Variants in VPS50 observed in about 807,000 individuals in gnomAD.
VPS50 encodes the protein syndetin.
Under a neutral mutation model 139.7 loss-of-function variants are expected in VPS50, and 70 were observed. The observed-to-expected ratio is 0.50, with a 90% confidence interval of 0.41 to 0.61. VPS50 has a LOEUF of 0.61. Ranked by LOEUF, VPS50 falls within the 20% of genes least tolerant of loss-of-function variation. The pLI is 0.00. For synonymous variants in VPS50, 365 were observed against 376.7 expected (o/e 0.97, Z 0.36); for missense variants, 921 against 1,133.7 (o/e 0.81, Z 2.69).
rs1798811185 is a variant in VPS50 at position 93,360,666 on chromosome 7, T to C, written c.*2230T>C. On this transcript the variant is annotated 3_prime_UTR_variant, in exon 28 of 28. Transcript: ENST00000305866. The stretch of plus-strand genomic sequence containing the variant: ...AAAAACTATCATTACCAAAAATTTA[T>C]TATTTTTGAGTCTAAACTTTCCTTA... 6.6e-6 allele frequency: 1 copy of C among 152,078 alleles called. No homozygotes were observed. Among genetic ancestry groups the C allele is most frequent in the Non-Finnish European group, 1.5e-5 (1 of 67,988 alleles). The allele number at this position is 152,078 out of a possible 1,614,324, so 9.4% of individuals were successfully genotyped here. A position where few individuals can be genotyped will look rare whatever the true frequency, so the allele number is the denominator to read the frequency against.
chr7:93,294,727 G>A, intron 14 of VPS50, 91 bp downstream of exon 14: 1 of 940,598 alleles, frequency 1.1e-6, no homozygotes, highest in South Asian at 1.9e-5. Flanking sequence ...TTCTATATAT[G>A]TATTCTTTGC....
intron 23 of VPS50, among the ~76,000 whole-genome samples, chr7:93,344,343 G>A (rs1798321994): frequency 6.6e-6 from 1 of 152,158 alleles, no homozygotes; most frequent in Non-Finnish European, 1.5e-5. Flanking sequence ...AGTCCTGAGT[G>A]ACCTACAAAG....
At chr7:93,304,437 A>C (rs1797062255) in intron 17 of VPS50, among the ~76,000 whole-genome samples, 1 of 151,768 alleles carries the variant, frequency 6.6e-6, no homozygotes. Context: ...AAAACCCTGG[A>C]ACATAGCAAT....
At chr7:93,286,378 C>T (rs1471367985) in intron 12 of VPS50, among the ~76,000 whole-genome samples, 1 of 152,088 alleles carries the variant, frequency 6.6e-6, no homozygotes, top group African/African-American at 2.4e-5. Flanking sequence ...ATGAGTCTCC[C>T]CTTCACCTGA....
intron 1 of VPS50, among the ~76,000 whole-genome samples, chr7:93,238,137 T>A (rs911137543): frequency 6.6e-6 from 1 of 152,174 alleles, no homozygotes; most frequent in Admixed American, 6.5e-5. Flanking sequence ...TATATAGAAG[T>A]GTAGTTTGGT....
chr7:93,246,104 A>G (rs1277548438), intron 2 of VPS50: 1 of 1,514,988 alleles, frequency 6.6e-7, no homozygotes, highest in South Asian at 1.2e-5. Context: ...GCTTTCAGTT[A>G]GAGCCCTAAC....
In VPS50 at chr7:93,323,608, C is replaced by T; in HGVS notation, c.1856-3C>T. ...TTAATTTTTTATTCTTTTTTCTTTT[C>T]AGGAAAATATATGCAGATGATGAAC... On this transcript the variant is annotated splice_region_variant and splice_polypyrimidine_tract_variant and intron_variant, in intron 20 of 27. Transcript: ENST00000305866. The T allele has an allele frequency of 8.2e-7, 1 of 1,226,548 alleles. No homozygotes were observed. The highest frequency in any genetic ancestry group is 1.1e-6 in the Non-Finnish European group (1 of 919,902). The allele number at this position is 1,226,548 out of a possible 1,614,324, so 76.0% of individuals were successfully genotyped here. A position where few individuals can be genotyped will look rare whatever the true frequency, so the allele number is the denominator to read the frequency against.
At chr7:93,332,530 TACAGCTACTTTAGA>T (rs1241352339) in intron 21 of VPS50, among the ~76,000 whole-genome samples, 2 of 152,196 alleles carry the variant, frequency 1.3e-5, no homozygotes. Context: ...ATGAAAACAG[TACAGCTACTTTAGA>T]AAACAACGTG....
intron 20 of VPS50, among the ~76,000 whole-genome samples, chr7:93,322,211 T>G (rs1360175059): frequency 6.6e-6 from 1 of 152,188 alleles, no homozygotes; most frequent in Non-Finnish European, 1.5e-5. Context: ...ACGTACTGAG[T>G]TCTTAAATGG....
intron 22 of VPS50, among the ~76,000 whole-genome samples, chr7:93,336,570 G>A (rs1798074884): frequency 6.6e-6 from 1 of 152,170 alleles, no homozygotes; most frequent in African/African-American, 2.4e-5. Flanking sequence ...CTGGAGTGCA[G>A]TGGTAAGATC....
intron 10 of VPS50, among the ~76,000 whole-genome samples, chr7:93,272,212 A>C (rs2116883677): frequency 6.6e-6 from 1 of 151,966 alleles, no homozygotes; most frequent in Admixed American, 6.6e-5. Flanking sequence ...TTTTAAATTC[A>C]ATGTAGTTTT....
intron 9 of VPS50, among the ~76,000 whole-genome samples, chr7:93,269,946 T>A (rs964278197): frequency 1.3e-5 from 2 of 152,098 alleles, no homozygotes; most frequent in Non-Finnish European, 1.5e-5. Context: ...ATAGCAATTT[T>A]AAAAACCTTT....
chr7:93,252,237 A>G (rs749713070), intron 2 of VPS50, among the ~76,000 whole-genome samples: 1 of 152,104 alleles, frequency 6.6e-6, no homozygotes, highest in African/African-American at 2.4e-5. Flanking sequence ...TCCAAAGTTG[A>G]TTGTGACCCA....
chr7:93,350,266 T>C (rs905523210), intron 25 of VPS50, among the ~76,000 whole-genome samples: 1 of 152,232 alleles, frequency 6.6e-6, no homozygotes, highest in Non-Finnish European at 1.5e-5. Context: ...TGAGTTGTTG[T>C]ATGTCGTGGC....
chr7:93,246,960 G>GA (rs959125167), intron 2 of VPS50, among the ~76,000 whole-genome samples: 7 of 151,872 alleles, frequency 4.6e-5, no homozygotes, highest in African/African-American at 1.7e-4. Context: ...GTATTGAGAG[G>GA]AAAAGTAGCT....
rs534376359 is a variant in VPS50 at position 93,350,868 on chromosome 7, A to G, written c.2463+835A>G. On this transcript the variant is annotated intron_variant, in intron 25 of 27. Transcript: ENST00000305866. ...ATCTGAGAAAATGAAAGTAACTTTC[A>G]GGAAAAATGTGTTTTCATTTTTGTA... 2.0e-5 allele frequency among the ~76,000 whole-genome samples: 3 copies of G among 152,320 alleles called. No homozygotes were observed. In the South Asian group the frequency reaches 6.2e-4, roughly 32 times the overall value.
intron 21 of VPS50, among the ~76,000 whole-genome samples, chr7:93,326,339 C>T (rs1463128009): frequency 6.8e-6 from 1 of 146,180 alleles, no homozygotes; most frequent in Non-Finnish European, 1.5e-5. Context: ...GGAGATATAC[C>T]TAATGCTAAA....
At chr7:93,335,185 G>A (rs1036987933) in intron 22 of VPS50, among the ~76,000 whole-genome samples, 1 of 152,178 alleles carries the variant, frequency 6.6e-6, no homozygotes, top group African/African-American at 2.4e-5. Flanking sequence ...AAACAAATGT[G>A]TAACATAGTG....
At position 93,258,236 on chromosome 7, in the gene VPS50, TG is replaced by T; in HGVS notation, c.501del (p.Ile168LeufsTer4). 1 of 1,599,512 alleles carries T rather than the reference TG, an allele frequency of 6.3e-7. No individual in the cohort carries two copies. The highest frequency in any genetic ancestry group is 8.6e-7 in the Non-Finnish European group (1 of 1,166,878). On this transcript the variant is annotated frameshift_variant, in exon 7 of 28. Transcript: ENST00000305866. LOFTEE classifies it high-confidence loss of function. ...GCAAATCAAAGGAAACGTCAGTTGCTGATTGGACTTCTGAAATCTCTGAGAA... is the reference window on the plus strand; with the variant it reads ...GCAAATCAAAGGAAACGTCAGTTGCTATTGGACTTCTGAAATCTCTGAGAA... ...LLANQRKRQLLIGLLKSLRTI... is the reference protein window; with the variant it reads ...LLANQRKRQLXIGLLKSLRTI...
Sources: allele counts gnomAD v4.1 joint callset (sites outside exome capture counted in the v4.1 genomes callset), GRCh38; gene constraint gnomAD v4.1.1; transcripts MANE v1.5; gene names NCBI Gene and HGNC (gene_info 2026-07-23, HGNC 2026-07-21).